The following TMEM108 variants were observed in gnomAD, a reference collection of about 807,000 sequenced individuals.
TMEM108 encodes the protein transmembrane protein 108.
A neutral mutation model predicts 35.1 loss-of-function variants in TMEM108; 12 were observed. The observed-to-expected ratio is 0.34, with a 90% CI of 0.22 to 0.55. TMEM108 has a LOEUF of 0.55. Among genes scored for constraint, TMEM108 ranks in the 20% least tolerant of loss-of-function variants. TMEM108 has a pLI of 0.89. For missense variants in TMEM108, 680 were observed against 753.3 expected, an observed-to-expected ratio of 0.90 and a Z score of 1.14; for synonymous variants, 287 against 308.6, an observed-to-expected ratio of 0.93 and a Z score of 0.73.
chr3:133,319,750 A>G (rs1216472912), intron 3 of TMEM108, among the ~76,000 whole-genome samples: 2 of 152,070 alleles, frequency 1.3e-5, no homozygotes, highest in Non-Finnish European at 2.9e-5. Context: ...TGGTAGCCCC[A>G]CTGGGTTGCT....
chr3:133,119,999 A>G (rs1219974630), intron 2 of TMEM108, among the ~76,000 whole-genome samples: 3 of 152,302 alleles, frequency 2.0e-5, no homozygotes, highest in Admixed American at 1.3e-4. Flanking sequence ...CCTGTAAGAA[A>G]CCAACTAGGG....
chr3:133,138,647 G>A (rs375557168), intron 2 of TMEM108, among the ~76,000 whole-genome samples: 53 of 152,184 alleles, frequency 3.5e-4, no homozygotes, highest in African/African-American at 7.2e-4. Context: ...ATGTATAACC[G>A]TGTATTCAGA....
intron 2 of TMEM108, among the ~76,000 whole-genome samples, chr3:133,153,529 A>G (rs1944832205): frequency 6.6e-6 from 1 of 152,340 alleles, no homozygotes; most frequent in African/African-American, 2.4e-5. Context: ...GTCTGTGGTT[A>G]GATTAAGACA....
At chr3:133,299,348 G>T (rs149224649) in intron 3 of TMEM108, among the ~76,000 whole-genome samples, 19 of 152,244 alleles carry the variant, frequency 1.2e-4, no homozygotes, top group Non-Finnish European at 2.1e-4. Context: ...TTGATGTTTT[G>T]ACATCCTGTA....
intron 2 of TMEM108, among the ~76,000 whole-genome samples, chr3:133,206,971 C>G (rs1448371540): frequency 1.3e-5 from 2 of 152,164 alleles, no homozygotes; most frequent in Non-Finnish European, 2.9e-5. Flanking sequence ...CTGACTGGAT[C>G]TTCTGCCTTT....
intron 3 of TMEM108, among the ~76,000 whole-genome samples, chr3:133,283,652 C>CAT (rs1228169413): frequency 3.3e-5 from 5 of 152,204 alleles, no homozygotes; most frequent in Non-Finnish European, 7.3e-5. Flanking sequence ...AAGCCTCTGT[C>CAT]ATAGGGTCAG....
intron 3 of TMEM108, among the ~76,000 whole-genome samples, chr3:133,288,178 T>TA (rs1947011810): frequency 1.3e-5 from 2 of 152,224 alleles, no homozygotes; most frequent in Non-Finnish European, 2.9e-5. Context: ...ATCAAATGTG[T>TA]ATGCAGGACA....
chr3:133,233,123 C>T (rs955329563), intron 3 of TMEM108, among the ~76,000 whole-genome samples: 2 of 151,328 alleles, frequency 1.3e-5, no homozygotes, highest in Admixed American at 6.6e-5. Flanking sequence ...ATGTGCCATG[C>T]TGGTGTGCTG....
intron 3 of TMEM108, among the ~76,000 whole-genome samples, chr3:133,333,485 G>A (rs1430534781): frequency 2.0e-5 from 3 of 152,100 alleles, no homozygotes; most frequent in Non-Finnish European, 4.4e-5. Flanking sequence ...ATATGCCCCT[G>A]CTATAAATTG....
chr3:133,207,621 T>C (rs1391350347), intron 2 of TMEM108, among the ~76,000 whole-genome samples: 1 of 152,082 alleles, frequency 6.6e-6, no homozygotes, highest in Non-Finnish European at 1.5e-5. Flanking sequence ...TGTTTAGAAT[T>C]TTAATTCAGT....
intron 2 of TMEM108, among the ~76,000 whole-genome samples, chr3:133,210,343 C>G (rs1285506814): frequency 6.6e-6 from 1 of 152,148 alleles, no homozygotes; most frequent in African/African-American, 2.4e-5. Context: ...CTCCATTGTT[C>G]TAGTGTTCAG....
At chr3:133,084,550 C>T (rs973780413) in intron 2 of TMEM108, among the ~76,000 whole-genome samples, 57 of 152,214 alleles carry the variant, frequency 3.7e-4, no homozygotes, top group African/African-American at 1.2e-3. Flanking sequence ...AAGGTACCAG[C>T]GCTGCTCCTT....
intron 2 of TMEM108, among the ~76,000 whole-genome samples, chr3:133,176,307 C>T (rs1334895412): frequency 6.6e-6 from 1 of 152,216 alleles, no homozygotes; most frequent in African/African-American, 2.4e-5. Context: ...GAACTCAGCT[C>T]TGCACCAAGT....
chr3:133,116,897 G>A (rs1944294656), intron 2 of TMEM108, among the ~76,000 whole-genome samples: 1 of 152,134 alleles, frequency 6.6e-6, no homozygotes, highest in Non-Finnish European at 1.5e-5. Flanking sequence ...AGCCTCCTGA[G>A]TAGCTGAGAC....
intron 2 of TMEM108, among the ~76,000 whole-genome samples, chr3:133,176,609 T>C (rs1451576339): frequency 2.0e-5 from 3 of 152,082 alleles, no homozygotes; most frequent in Non-Finnish European, 4.4e-5. Context: ...AAGATGTTCT[T>C]TGAAACCAAC....
chr3:133,040,192 TTG>T (rs1239425281), intron 1 of TMEM108, among the ~76,000 whole-genome samples: 30 of 115,122 alleles, frequency 2.6e-4, no homozygotes, highest in Admixed American at 1.9e-3. Context: ...ACAGTTTTTT[TTG>T]TTTGTTTGTT....
intron 2 of TMEM108, among the ~76,000 whole-genome samples, chr3:133,193,692 A>G (rs1043625374): frequency 6.6e-6 from 1 of 152,156 alleles, no homozygotes; most frequent in Non-Finnish European, 1.5e-5. Context: ...TTACAATTCC[A>G]ACATAGTACC....
intron 2 of TMEM108, among the ~76,000 whole-genome samples, chr3:133,168,848 C>A (rs1034350434): frequency 6.6e-6 from 1 of 152,150 alleles, no homozygotes. Flanking sequence ...GGCTTCACTC[C>A]TGAGGCCAGC....
intron 3 of TMEM108, among the ~76,000 whole-genome samples, chr3:133,296,631 A>C (rs1160640629): frequency 2.6e-5 from 4 of 151,988 alleles, no homozygotes; most frequent in African/African-American, 9.7e-5. Flanking sequence ...TTGTAGGGAG[A>C]TGGACAGGCT....
Sources: allele counts gnomAD v4.1 joint callset (sites outside exome capture counted in the v4.1 genomes callset), GRCh38; gene constraint gnomAD v4.1.1; transcripts MANE v1.5; gene names NCBI Gene and HGNC (gene_info 2026-07-23, HGNC 2026-07-21).